Variants in AHR observed in about 807,000 individuals in gnomAD.
AHR encodes the protein aryl hydrocarbon receptor, also known as AH-receptor.
A neutral mutation model predicts 86.8 loss-of-function variants in AHR; 40 were observed. That is an observed-to-expected ratio of 0.46 (90% CI 0.36 to 0.60). The LOEUF is 0.60. Among genes scored for constraint, AHR ranks in the 20% least tolerant of loss-of-function variants. The pLI is 0.00. For synonymous variants in AHR, 398 were observed against 354.9 expected (o/e 1.12, Z -1.37); for missense variants, 1,001 against 1,011.6 (o/e 0.99, Z 0.14).
chr7:17,328,019 T>C (rs1035596766), intron 4 of AHR, among the ~76,000 whole-genome samples, 171 bp downstream of exon 4: 2 of 151,924 alleles, frequency 1.3e-5, no homozygotes, highest in Non-Finnish European at 2.9e-5. Context: ...TGCACTATAA[T>C]TCCTTTAAAC....
At chr7:17,312,505 T>A (rs1782076624) in intron 2 of AHR, among the ~76,000 whole-genome samples, 1 of 152,228 alleles carries the variant, frequency 6.6e-6, no homozygotes, top group Admixed American at 6.5e-5. Context: ...TGTGTGTATG[T>A]GTGTTCATGT....
intron 2 of AHR, among the ~76,000 whole-genome samples, chr7:17,321,200 C>T (rs993822839): frequency 2.6e-5 from 4 of 151,998 alleles, no homozygotes; most frequent in African/African-American, 9.7e-5. Flanking sequence ...TGGCAAGTAT[C>T]TAAAAGATTA....
intron 4 of AHR, 196 bp from the exon 5 acceptor site, chr7:17,329,756 A>C: frequency 2.6e-6 from 1 of 385,394 alleles, no homozygotes; most frequent in Non-Finnish European, 4.6e-6. Context: ...CTTTTGGCTT[A>C]TCTGTTGTAG....
Position 17,329,979 on chromosome 7 carries a change from G to A in AHR, c.478G>A (p.Glu160Lys). The change falls in exon 5 of 11, where the codon GAA becomes AAA. Residue 160 changes from glutamate (E) to lysine (K), a missense_variant. Glu to Lys is a moderately conservative substitution (Grantham distance 56). Coordinates refer to ENST00000242057, the MANE Select transcript of AHR (RefSeq NM_001621.5). Reference sequence around the variant, plus strand: ...TGATGTCATACATCAGAGTGTATATGAACTTATCCATACCGAAGACCGAGC... The same window carrying A: ...TGATGTCATACATCAGAGTGTATATAAACTTATCCATACCGAAGACCGAGC... ...QSDVIHQSVY[E>K]LIHTEDRAEF... The A allele has an allele frequency of 6.2e-7, 1 of 1,610,654 alleles. No homozygotes were observed. The highest frequency in any genetic ancestry group is 8.5e-7 in the Non-Finnish European group (1 of 1,177,772).
chr7:17,321,486 G>A (rs1346803101), intron 2 of AHR, among the ~76,000 whole-genome samples: 7 of 151,728 alleles, frequency 4.6e-5, no homozygotes, highest in African/African-American at 1.7e-4. Flanking sequence ...ATGCTTTTAA[G>A]TGAGATAATA....
intron 1 of AHR, among the ~76,000 whole-genome samples, chr7:17,306,063 C>G (rs1039904334): frequency 1.3e-5 from 2 of 152,120 alleles, no homozygotes; most frequent in African/African-American, 4.8e-5. Context: ...CTTTGCCTGA[C>G]CAACATCATA....
rs1169171582 is a variant in AHR, at chr7:17,298,874, C to T, written c.-391C>T. On this transcript the variant is annotated 5_prime_UTR_variant, in exon 1 of 11. Transcript: ENST00000242057. Reference sequence around the variant, plus strand: ...GGGCCGCGGCGACGGTCACGGGGCGCGGCGCCACCGTGAGCGACCCAGGCC... The same window carrying T: ...GGGCCGCGGCGACGGTCACGGGGCGTGGCGCCACCGTGAGCGACCCAGGCC... 5.0e-6 allele frequency: 2 copies of T among 397,962 alleles called. No individual in the cohort carries two copies. The highest frequency in any genetic ancestry group is 8.9e-6 in the Non-Finnish European group (2 of 225,876). 24.7% of individuals were successfully genotyped at this position (397,962 alleles called of 1,614,324 possible).
At chr7:17,306,090 A>C (rs1250381523) in intron 1 of AHR, among the ~76,000 whole-genome samples, 2 of 152,144 alleles carry the variant, frequency 1.3e-5, no homozygotes, top group Non-Finnish European at 2.9e-5. Context: ...ATTTCAGGAG[A>C]TGTTTGAACT....
chr7:17,301,983 T>C (rs906419309), intron 1 of AHR, among the ~76,000 whole-genome samples: 2 of 152,034 alleles, frequency 1.3e-5, no homozygotes, highest in African/African-American at 4.8e-5. Flanking sequence ...ATCCTGTGTT[T>C]ATTTTATTCT....
rs749997395 is a variant in AHR at position 17,339,618 on chromosome 7, A to G, written c.1793A>G (p.Asp598Gly). The change falls in exon 10 of 11, where the codon GAT becomes GGT. Residue 598 changes from aspartate (D) to glycine (G), a missense_variant. By Grantham distance (94) the Asp-to-Gly change is moderately conservative. Coordinates refer to ENST00000242057, the MANE Select transcript of AHR (RefSeq NM_001621.5). ...AGTAAGTCTCCCTTCATACCTTCAG[A>G]TTATCAACAGCAACAGTCCTTGGCT... ...SLSKSPFIPS[D>G]YQQQQSLALN... is the part of the protein sequence containing the mutation. 9.3e-6 allele frequency: 15 copies of G among 1,613,980 alleles called. No individual in the cohort carries two copies. The highest frequency in any genetic ancestry group is 6.7e-5 in the Admixed American group (4 of 60,006).
At chr7:17,309,264 A>G (rs897805173) in intron 1 of AHR, among the ~76,000 whole-genome samples, 13 of 152,194 alleles carry the variant, frequency 8.5e-5, no homozygotes, top group African/African-American at 2.2e-4. Context: ...TATTGTCTAC[A>G]TGTAAAAGCA....
In AHR at chr7:17,327,824, A is replaced by C; in HGVS notation, c.426A>C (p.Ile142=). The part of the protein sequence containing the change: ...DALVFYASST[I]QDYLGFQQSD... ...TGGTCTTTTATGCTTCTTCTACTAT[A>C]CAAGATTATCTAGGGTTTCAGCAGG... Residue 142 remains isoleucine, a synonymous_variant, in exon 4 of 11, where the codon ATA becomes ATC. Coordinates refer to ENST00000242057, the MANE Select transcript of AHR (RefSeq NM_001621.5). The C allele has an allele frequency of 6.5e-7, 1 of 1,549,862 alleles. No individual in the cohort carries two copies. The highest frequency in any genetic ancestry group is 8.8e-7 in the Non-Finnish European group (1 of 1,138,696).
Position 17,340,129 on chromosome 7 carries a change from C to T in AHR, c.2304C>T (p.Ala768=), listed in dbSNP as rs763640716. The T allele has an allele frequency of 4.3e-6, 7 of 1,614,044 alleles. No homozygotes were observed. The highest frequency in any genetic ancestry group is 2.2e-5 in the East Asian group (1 of 44,900). Residue 768 remains alanine (A), a synonymous_variant, in exon 10 of 11, where the codon GCC becomes GCT. Transcript: ENST00000242057. The part of the protein sequence containing the change: ...IITPQTCYAG[A]VSMYQCQPEP... ...CTCCTCAGACATGTTATGCTGGGGC[C>T]GTGTCGATGTATCAGTGCCAGCCAG...
intron 3 of AHR, among the ~76,000 whole-genome samples, chr7:17,324,996 T>C (rs535773648): frequency 6.6e-6 from 1 of 152,318 alleles, no homozygotes; most frequent in East Asian, 1.9e-4. Context: ...AGCTTTGTTT[T>C]TCAGTGACAG....
intron 3 of AHR, among the ~76,000 whole-genome samples, chr7:17,326,756 C>G (rs1782234679): frequency 6.6e-6 from 1 of 152,032 alleles, no homozygotes; most frequent in Admixed American, 6.6e-5. Flanking sequence ...GAGTCCAGAC[C>G]AAATCTGTCT....
At chr7:17,323,838 A>G (rs570980788) in intron 3 of AHR, among the ~76,000 whole-genome samples, 2 of 152,282 alleles carry the variant, frequency 1.3e-5, no homozygotes, top group African/African-American at 4.8e-5. Context: ...TGTAAACCCA[A>G]ACATAAAGAC....
chr7:17,337,543 C>T (rs1366249647), intron 9 of AHR, among the ~76,000 whole-genome samples: 2 of 147,962 alleles, frequency 1.4e-5, no homozygotes, highest in Non-Finnish European at 3.0e-5. Context: ...GGCGGGATCT[C>T]GGCTCACTGC....
Position 17,334,140 on chromosome 7 carries a change from T to C in AHR, c.908+26T>C, listed in dbSNP as rs746572500. 7 of 1,567,664 alleles carry C rather than the reference T, an allele frequency of 4.5e-6. No homozygotes were observed. The East Asian group carries it at 1.1e-4, about 25-fold the overall frequency. ...GTAAGTGAGACTTTTTCACTTTTAT[T>C]TTATTGGATGTACATTATGTTTCAG... On this transcript the variant is annotated intron_variant, in intron 7 of 10. Transcript: ENST00000242057.
intron 2 of AHR, among the ~76,000 whole-genome samples, chr7:17,312,367 A>C (rs1166832176): frequency 6.6e-6 from 1 of 152,148 alleles, no homozygotes; most frequent in Non-Finnish European, 1.5e-5. Context: ...GTTAAAAAGA[A>C]AAAAAAAGTA....
Sources: gnomAD v4.1 joint callset for allele counts (sites outside exome capture counted in the v4.1 genomes callset) on GRCh38, gnomAD v4.1.1 for gene constraint, MANE v1.5 for transcripts, NCBI Gene and HGNC (gene_info 2026-07-23, HGNC 2026-07-21) for gene names.